Variants in DISC1 observed in about 807,000 individuals in gnomAD.
The protein encoded by DISC1 is disrupted in schizophrenia 1 protein.
Under a neutral mutation model 84.5 loss-of-function variants are expected in DISC1, and 57 were observed. The ratio of observed to expected loss-of-function variants is 0.67; its 90% CI spans 0.55 to 0.84. The LOEUF is 0.84. DISC1 is among the 40% of genes least tolerant of loss of function. The pLI, the probability that DISC1 is intolerant of heterozygous loss-of-function variation, is 0.00. For synonymous variants in DISC1, 411 were observed against 415.2 expected, an observed-to-expected ratio of 0.99 and a Z score of 0.12; for missense variants, 1,000 against 1,057.8, an observed-to-expected ratio of 0.95 and a Z score of 0.76.
In DISC1 at chr1:231,694,434, G is replaced by A; in HGVS notation, c.676G>A (p.Ala226Thr). ...SLGSAGERGE[A>T]EGCPPSREAE... is the part of the protein sequence containing the mutation. ...TGGCTCTGCCGGGGAACGTGGAGAAGCAGAAGGCTGCCCACCATCCAGAGA... is the reference window on the plus strand; with the variant it reads ...TGGCTCTGCCGGGGAACGTGGAGAAACAGAAGGCTGCCCACCATCCAGAGA... The change falls in exon 2 of 13, where the codon GCA (alanine) becomes ACA (threonine). Residue 226 changes from alanine (A) to threonine (T), a missense_variant. Physicochemically the swap from Ala to Thr is moderately conservative, Grantham distance 58. Around this residue, in one of 3 missense-constraint regions of DISC1, gnomAD observed 311 missense variants for 400.1 expected, o/e 0.78. Coordinates refer to ENST00000439617, the MANE Select transcript of DISC1 (RefSeq NM_018662.3). The A allele has an allele frequency of 6.2e-7, 1 of 1,614,266 alleles. No homozygotes were observed. Among genetic ancestry groups the A allele is most frequent in the Non-Finnish European group, 8.5e-7 (1 of 1,180,050 alleles).
intron 10 of DISC1, among the ~76,000 whole-genome samples, chr1:231,990,690 C>T (rs967538514): frequency 1.3e-5 from 2 of 152,130 alleles, no homozygotes; most frequent in Non-Finnish European, 2.9e-5. Flanking sequence ...GCATGGCTTA[C>T]ATCTTTTGGG....
chr1:231,720,714 A>G (rs903200950), intron 3 of DISC1: 22 of 625,390 alleles, frequency 3.5e-5, no homozygotes, highest in African/African-American at 7.8e-5. Context: ...CCACTGGGTG[A>G]TTTTTTTCCC....
At chr1:231,896,879 A>T (rs1482410615) in intron 9 of DISC1, among the ~76,000 whole-genome samples, 4 of 152,236 alleles carry the variant, frequency 2.6e-5, no homozygotes, top group Non-Finnish European at 5.9e-5. Context: ...GAGTTTAACA[A>T]TTCCATAGAA....
intron 12 of DISC1, among the ~76,000 whole-genome samples, chr1:232,030,406 T>A (rs563764973): frequency 1.3e-5 from 2 of 152,338 alleles, no homozygotes; most frequent in South Asian, 2.1e-4. Context: ...ACCTGTGATA[T>A]GTACATTTTT....
chr1:231,721,404 G>GA (rs1288694179), intron 3 of DISC1, among the ~76,000 whole-genome samples: 2 of 152,148 alleles, frequency 1.3e-5, no homozygotes, highest in East Asian at 3.9e-4. Flanking sequence ...CACAGTTGAG[G>GA]ATTTGGCTTC....
intron 9 of DISC1, among the ~76,000 whole-genome samples, chr1:231,957,856 T>G (rs893172501): frequency 6.6e-6 from 1 of 152,126 alleles, no homozygotes; most frequent in African/African-American, 2.4e-5. Context: ...GAAATAGAAG[T>G]CTAAGAATCC....
chr1:231,858,425 C>A (rs2084411877), intron 9 of DISC1, among the ~76,000 whole-genome samples: 1 of 152,132 alleles, frequency 6.6e-6, no homozygotes, highest in African/African-American at 2.4e-5. Flanking sequence ...TCCTGTGGAT[C>A]TTTTTTGAAA....
At chr1:231,886,986 C>T (rs1484309235) in intron 9 of DISC1, among the ~76,000 whole-genome samples, 2 of 151,524 alleles carry the variant, frequency 1.3e-5, no homozygotes, top group African/African-American at 4.9e-5. Flanking sequence ...CTCAGCCTCC[C>T]GAGTACCTGG....
intron 11 of DISC1, among the ~76,000 whole-genome samples, chr1:232,014,135 C>G (rs1160897181): frequency 2.0e-5 from 3 of 152,186 alleles, no homozygotes. Context: ...AGATGTTTGT[C>G]CTCCTTGTCT....
rs987233318 is a variant in DISC1 at position 231,994,581 on chromosome 1, G to C, written c.2043-14204G>C. ...GTAGCAATACCATCTTACCTCATGA[G>C]GTTGTCTTGAAGACTAAATGAAGTA... On this transcript the variant is annotated intron_variant, in intron 10 of 12. Transcript: ENST00000439617. 3.3e-5 allele frequency among the ~76,000 whole-genome samples: 5 copies of C among 152,270 alleles called. No individual in the cohort carries two copies. In the East Asian group the frequency reaches 9.6e-4, roughly 29 times the overall value.
At chr1:231,905,033 C>T (rs1479541125) in intron 9 of DISC1, among the ~76,000 whole-genome samples, 1 of 152,110 alleles carries the variant, frequency 6.6e-6, no homozygotes, top group Non-Finnish European at 1.5e-5. Flanking sequence ...CCAATTACAT[C>T]CCCTCAGAAT....
rs760130877 is a variant in DISC1, at chr1:231,946,744, G to A, written c.1982-12084G>A. ...TCTGAGCCCAAAATCTTCTTAAGCT[G>A]AAAAGCAACTTCAGCAAAGTTGCTG... On this transcript the variant is annotated intron_variant, in intron 9 of 12. Transcript: ENST00000439617. 1.6e-4 allele frequency among the ~76,000 whole-genome samples: 25 copies of A among 152,304 alleles called. No homozygotes were observed. The Middle Eastern group carries it at 0.024, about 145-fold the overall frequency.
In DISC1 at chr1:232,009,430, A is replaced by G. The variant is rs1341882970; in HGVS notation, c.2307+381A>G. ...ATGATATTTAACATATATACTATAC[A>G]TTATGTATTGTATGTCATATATGAT... On this transcript the variant is annotated intron_variant, in intron 11 of 12. Coordinates refer to ENST00000439617, the MANE Select transcript of DISC1 (RefSeq NM_018662.3). The surrounding 1 kb of genome is among the most constrained non-coding windows in gnomAD (Gnocchi z 4.6). 1 of 600,938 alleles carries G rather than the reference A, an allele frequency of 1.7e-6. No individual in the cohort carries two copies. The highest frequency in any genetic ancestry group is 2.1e-6 in the Non-Finnish European group (1 of 483,730). 37.2% of individuals were successfully genotyped at this position (600,938 alleles called of 1,614,324 possible). A position where few individuals can be genotyped will look rare whatever the true frequency, so the allele number is the denominator to read the frequency against.
At chr1:231,923,307 C>CAAAAAAAAAAAAAAAA (rs1461560372) in intron 9 of DISC1, among the ~76,000 whole-genome samples, 2 of 138,532 alleles carry the variant, frequency 1.4e-5, no homozygotes, top group African/African-American at 2.7e-5. Context: ...CAAAAAAAAC[C>CAAAAAAAAAAAAAAAA]AAAAAAAAAA....
At chr1:231,728,979 GC>G (rs1012079877) in intron 3 of DISC1, among the ~76,000 whole-genome samples, 1 of 152,120 alleles carries the variant, frequency 6.6e-6, no homozygotes, top group African/African-American at 2.4e-5. Context: ...ATCTCCTCAT[GC>G]TATCCCTCCC....
chr1:231,963,902 A>G (rs1660740442), intron 10 of DISC1, among the ~76,000 whole-genome samples: 1 of 152,152 alleles, frequency 6.6e-6, no homozygotes, highest in Admixed American at 6.5e-5. Flanking sequence ...TGCACTGGTA[A>G]TTAGAATGGA....
chr1:231,857,168 C>T lies in DISC1; in HGVS notation c.1981+38651C>T, dbSNP rs1016334972. ...ACCTGCAGCTGTCTGGGTCACAGAG[C>T]GGTCAAGGCACTCTGTGAGTTTTGG... is the stretch of plus-strand genomic sequence containing the variant. On this transcript the variant is annotated intron_variant, in intron 9 of 12. Transcript: ENST00000439617. 9.2e-5 allele frequency among the ~76,000 whole-genome samples: 14 copies of T among 152,170 alleles called. 1 individual carries two copies. Among genetic ancestry groups the T allele is most frequent in the East Asian group, 1.9e-4 (1 of 5,198 alleles).
chr1:231,663,466 C>T (rs1296574945), intron 1 of DISC1, among the ~76,000 whole-genome samples: 1 of 152,168 alleles, frequency 6.6e-6, no homozygotes, highest in African/African-American at 2.4e-5. Flanking sequence ...TCAGTTACTT[C>T]CTGTTTCCTG....
intron 2 of DISC1, among the ~76,000 whole-genome samples, chr1:231,695,696 G>A (rs115879571): frequency 0.011 from 1,673 of 152,242 alleles, 17 homozygotes; most frequent in Non-Finnish European, 0.015. Flanking sequence ...GTGTATTTGT[G>A]TGTGTGCACT....
Sources: gnomAD v4.1 joint callset for allele counts (sites outside exome capture counted in the v4.1 genomes callset) on GRCh38, gnomAD v4.1.1 for gene constraint, gnomAD v4.1.1 regional missense constraint, Gnocchi (gnomAD v3.1) non-coding constraint, MANE v1.5 for transcripts, NCBI Gene and HGNC (gene_info 2026-07-23, HGNC 2026-07-21) for gene names.